GSPT1: variants seen among roughly 807,000 people sequenced by gnomAD.
GSPT1 encodes G1 to S phase transition 1, also known as eukaryotic peptide chain release factor GTP-binding subunit ERF3A.
Under a neutral mutation model 72.5 loss-of-function variants are expected in GSPT1, and 20 were observed. The ratio of observed to expected loss-of-function variants is 0.28; its 90% CI spans 0.19 to 0.40. The LOEUF (loss-of-function observed/expected upper bound fraction) is 0.40. Ranked by LOEUF, GSPT1 falls within the 10% of genes least tolerant of loss-of-function variation. GSPT1 has a pLI of 1.00. For missense variants in GSPT1, 580 were observed against 811.9 expected (o/e 0.71, Z 3.47); for synonymous variants, 334 against 293.5 (o/e 1.14, Z -1.41).
rs775670662 is a variant in GSPT1, at chr16:11,891,156, A to G, written c.699-17T>C. The G allele has an allele frequency of 2.6e-6, 3 of 1,166,322 alleles. No homozygotes were observed. The highest frequency in any genetic ancestry group is 2.8e-5 in the East Asian group (1 of 35,156). 72.2% of individuals were successfully genotyped at this position (1,166,322 alleles called of 1,614,324 possible). The stretch of plus-strand genomic sequence containing the variant: ...GTCAAATACCTGAAAACATTTAAAG[A>G]AAAAAAAAAGTAAACAATTACTCAC... On this transcript the variant is annotated splice_polypyrimidine_tract_variant and intron_variant, in intron 5 of 14. Transcript: ENST00000434724.
chr16:11,874,948 T>G (rs1014975331), intron 14 of GSPT1, among the ~76,000 whole-genome samples: 1 of 152,212 alleles, frequency 6.6e-6, no homozygotes, highest in Non-Finnish European at 1.5e-5. Context: ...TCCCAGCACT[T>G]TGGGAGGCCA....
intron 5 of GSPT1, among the ~76,000 whole-genome samples, chr16:11,892,516 A>AAAAAT (rs1045805116): frequency 7.1e-6 from 1 of 140,820 alleles, no homozygotes; most frequent in African/African-American, 2.8e-5. Flanking sequence ...CAAAAAAACA[A>AAAAAT]AAAAAACAAA....
intron 1 of GSPT1, 94 bp downstream of exon 1, chr16:11,915,275 C>A (rs2054617195): frequency 2.5e-6 from 3 of 1,217,654 alleles, no homozygotes; most frequent in African/African-American, 1.6e-5. Flanking sequence ...CACGTGCCGA[C>A]CGGGCCCCAG....
chr16:11,914,865 T>A (rs1252414030), intron 1 of GSPT1: 1 of 524,068 alleles, frequency 1.9e-6, no homozygotes, highest in African/African-American at 2.0e-5. Flanking sequence ...ACGGACAGTT[T>A]AAACCGTAAT....
intron 1 of GSPT1, among the ~76,000 whole-genome samples, chr16:11,912,631 A>C (rs965012320): frequency 3.3e-5 from 5 of 152,196 alleles, no homozygotes; most frequent in Non-Finnish European, 5.9e-5. Context: ...TAAAAAGTTC[A>C]AGTAACCCTA....
intron 11 of GSPT1, among the ~76,000 whole-genome samples, chr16:11,878,506 C>T (rs2054075847): frequency 1.3e-5 from 2 of 150,894 alleles, no homozygotes; most frequent in African/African-American, 4.9e-5. Flanking sequence ...GGCATGAGGA[C>T]TGCTTGAGCC....
At chr16:11,888,932 C>A in intron 6 of GSPT1, among the ~76,000 whole-genome samples, 1 of 152,118 alleles carries the variant, frequency 6.6e-6, no homozygotes, top group Non-Finnish European at 1.5e-5. Context: ...TGATAATGAG[C>A]TCCCTTATTA....
intron 1 of GSPT1, among the ~76,000 whole-genome samples, chr16:11,914,237 G>A (rs763833939): frequency 5.3e-5 from 8 of 152,188 alleles, no homozygotes; most frequent in African/African-American, 1.9e-4. Context: ...CCATTAGGAA[G>A]AGAATACTTA....
At chr16:11,893,238 C>T (rs1435294156) in intron 5 of GSPT1, among the ~76,000 whole-genome samples, 8 of 151,978 alleles carry the variant, frequency 5.3e-5, no homozygotes, top group Admixed American at 5.3e-4. Context: ...ATAGCCACTA[C>T]CCTCCGGCCT....
At chr16:11,875,422 A>T (rs2054036583) in intron 14 of GSPT1, among the ~76,000 whole-genome samples, 3 of 152,188 alleles carry the variant, frequency 2.0e-5, no homozygotes, top group Non-Finnish European at 2.9e-5. Flanking sequence ...AGGTGTAAAA[A>T]AAAAAATCAA....
chr16:11,913,827 T>C (rs773861776), intron 1 of GSPT1, among the ~76,000 whole-genome samples: 2 of 152,194 alleles, frequency 1.3e-5, no homozygotes, highest in African/African-American at 2.4e-5. Context: ...TCTAGAGCCG[T>C]ACCACCCTGA....
chr16:11,901,104 A>T (rs33632), intron 1 of GSPT1, among the ~76,000 whole-genome samples: 150,357 of 152,336 alleles, frequency 0.99, 74,234 homozygotes, highest in East Asian at 1. Context: ...TTGCAATGAG[A>T]CCTGACTACA....
chr16:11,870,322 AGATG>A lies in GSPT1; in HGVS notation c.*2793_*2796del, dbSNP rs2053964725. On this transcript the variant is annotated 3_prime_UTR_variant, in exon 15 of 15. Coordinates refer to ENST00000434724, the MANE Select transcript of GSPT1 (RefSeq NM_002094.4). The stretch of plus-strand genomic sequence containing the variant: ...CAAGGGTTTAAAATGGCAATTACTT[AGATG>A]TTTATTTCAATATTTCTTAAATTCA... 1 of 152,230 alleles carries A rather than the reference AGATG, an allele frequency of 6.6e-6. No individual in the cohort carries two copies. Among genetic ancestry groups the A allele is most frequent in the Non-Finnish European group, 1.5e-5 (1 of 68,040 alleles). The allele number at this position is 152,230 out of a possible 1,614,324, so 9.4% of individuals were successfully genotyped here.
rs751504753 is a variant in GSPT1 at position 11,905,998 on chromosome 16, T to C, written c.353-7963A>G. On this transcript the variant is annotated intron_variant, in intron 1 of 14. Coordinates refer to ENST00000434724, the MANE Select transcript of GSPT1 (RefSeq NM_002094.4). ...GGCATGATGTATTGTATAGAATAAA[T>C]ACACAATCAATTTTTACTGAATTAC... is the stretch of plus-strand genomic sequence containing the variant. Among the ~76,000 whole-genome samples the C allele has an allele frequency of 2.5e-3, 386 of 152,332 alleles. 6 individuals carry two copies. The highest frequency in any genetic ancestry group is 2.1e-3 in the Non-Finnish European group (140 of 68,034).
In GSPT1 at chr16:11,902,950, C is replaced by A. The variant is rs946216742; in HGVS notation, c.353-4915G>T. ...CAGACTGGTCTCCAACTCCTGAGCT[C>A]AAGCAATCCACCCACCTCAGCCTCC... On this transcript the variant is annotated intron_variant, in intron 1 of 14. Coordinates refer to ENST00000434724, the MANE Select transcript of GSPT1 (RefSeq NM_002094.4). Among the ~76,000 whole-genome samples the A allele has an allele frequency of 1.1e-3, 160 of 152,086 alleles. 2 individuals carry two copies. Among genetic ancestry groups the A allele is most frequent in the Non-Finnish European group, 1.3e-4 (9 of 67,990 alleles).
In GSPT1 at chr16:11,911,854, A is replaced by ATTTTTTTTTTT. The variant is rs1158026034; in HGVS notation, c.352+3504_352+3514dup. 4.2e-3 allele frequency among the ~76,000 whole-genome samples: 191 copies of ATTTTTTTTTTT among 45,406 alleles called. 37 individuals are homozygous for ATTTTTTTTTTT. The highest frequency in any genetic ancestry group is 5.4e-3 in the Non-Finnish European group (144 of 26,440). 29.8% of individuals were successfully genotyped at this position (45,406 alleles called of 152,430 possible). A position where few individuals can be genotyped will look rare whatever the true frequency, so the allele number is the denominator to read the frequency against. On this transcript the variant is annotated intron_variant, in intron 1 of 14. Transcript: ENST00000434724. ...GGCATGAGCCACTGCACCCAGCTGT[A>ATTTTTTTTTTT]TTTTTTTTTTTTTTTTTTTTTTTTT...
At chr16:11,878,650 C>A (rs1415909681) in intron 11 of GSPT1, among the ~76,000 whole-genome samples, 1 of 151,648 alleles carries the variant, frequency 6.6e-6, no homozygotes, top group African/African-American at 2.4e-5. Flanking sequence ...ATGGAGCCTC[C>A]AGTTCTGATG....
intron 1 of GSPT1, among the ~76,000 whole-genome samples, chr16:11,912,516 G>A (rs2054573492): frequency 6.6e-6 from 1 of 152,178 alleles, no homozygotes; most frequent in African/African-American, 2.4e-5. Context: ...AGGGCTGCTG[G>A]TTTTATTCCA....
chr16:11,915,191 C>A, intron 1 of GSPT1, 178 bp downstream of exon 1: 1 of 1,061,672 alleles, frequency 9.4e-7, no homozygotes. Context: ...GCCACCGCCG[C>A]GGGCCGCCCC....
Sources: allele counts gnomAD v4.1 joint callset (sites outside exome capture counted in the v4.1 genomes callset), GRCh38; gene constraint gnomAD v4.1.1; transcripts MANE v1.5; gene names NCBI Gene and HGNC (gene_info 2026-07-23, HGNC 2026-07-21).